NSRP1: variants seen among roughly 807,000 people sequenced by gnomAD.
The protein encoded by NSRP1 is nuclear speckle splicing regulatory protein 1.
Under a neutral mutation model 54.7 loss-of-function variants are expected in NSRP1, and 24 were observed. The ratio of observed to expected loss-of-function variants is 0.44; its 90% CI spans 0.32 to 0.62. The LOEUF is 0.62. Among genes scored for constraint, NSRP1 ranks in the 20% least tolerant of loss-of-function variants. The probability of loss-of-function intolerance (pLI) is 0.06; values close to 1 mark genes in which losing one functional copy is unlikely to be tolerated. For synonymous variants in NSRP1, 210 were observed against 213.8 expected, an observed-to-expected ratio of 0.98 and a Z score of 0.15; for missense variants, 596 against 651.2, an observed-to-expected ratio of 0.92 and a Z score of 0.92.
At chr17:30,117,480 A>G (rs1407799647) in intron 1 of NSRP1, 1 of 423,116 alleles carries the variant, frequency 2.4e-6, no homozygotes. Flanking sequence ...GTGAGAAACT[A>G]AAGGAGTTGG....
chr17:30,184,766 G>T lies in NSRP1; in HGVS notation c.769G>T (p.Asp257Tyr). ...TGACTTCGATGCTAAGAGCAGTGCG[G>T]ATGATGAAATAGAAGAAACTAGAGT... ...DSDFDAKSSADDEIEETRVNC... is the reference protein window; with the variant it reads ...DSDFDAKSSAYDEIEETRVNC... The change falls in exon 7 of 7, where the codon GAT becomes TAT. Residue 257 changes from aspartate to tyrosine, a missense_variant. Asp to Tyr is a radical substitution (Grantham distance 160, BLOSUM62 -3). Transcript: ENST00000247026. The T allele has an allele frequency of 6.2e-7, 1 of 1,614,068 alleles. No individual in the cohort carries two copies. The highest frequency in any genetic ancestry group is 1.3e-5 in the African/African-American group (1 of 75,038).
intron 2 of NSRP1, among the ~76,000 whole-genome samples, chr17:30,135,214 A>G (rs903917444): frequency 5.9e-5 from 9 of 151,502 alleles, no homozygotes; most frequent in African/African-American, 2.2e-4. Flanking sequence ...TGCGTCCAGG[A>G]CTCAAGCGAT....
intron 5 of NSRP1, among the ~76,000 whole-genome samples, chr17:30,179,917 G>GCCCT: frequency 6.8e-6 from 1 of 147,680 alleles, no homozygotes. Flanking sequence ...GCTCACTGCA[G>GCCCT]CCCTGACCTC....
At chr17:30,160,601 T>G (rs1229793719) in intron 2 of NSRP1, among the ~76,000 whole-genome samples, 1 of 152,236 alleles carries the variant, frequency 6.6e-6, no homozygotes, top group African/African-American at 2.4e-5. Flanking sequence ...TGTAGTAGTA[T>G]CTGATGATCT....
intron 2 of NSRP1, among the ~76,000 whole-genome samples, chr17:30,140,298 T>A (rs1185278826): frequency 2.0e-5 from 3 of 152,174 alleles, no homozygotes; most frequent in African/African-American, 7.2e-5. Flanking sequence ...AAATTTTCTC[T>A]TGTAATTTCC....
In NSRP1 at chr17:30,128,834, G is replaced by A. The variant is rs184244342; in HGVS notation, c.114+10661G>A. The stretch of plus-strand genomic sequence containing the variant: ...TTAGTGAAAAAATATATACAAATTT[G>A]TTATAGATAAAAGGAAAAAAGACAA... On this transcript the variant is annotated intron_variant, in intron 2 of 6. Transcript: ENST00000247026. Among the ~76,000 whole-genome samples, 5 of 151,680 alleles carry A rather than the reference G, an allele frequency of 3.3e-5. No homozygotes were observed. The East Asian group carries it at 5.8e-4, about 18-fold the overall frequency.
chr17:30,156,472 T>TAATG (rs1411374741), intron 2 of NSRP1: 1 of 151,794 alleles, frequency 6.6e-6, no homozygotes, highest in East Asian at 2.0e-4. Context: ...TTACTAAAGA[T>TAATG]AATGACCTTC....
intron 2 of NSRP1, among the ~76,000 whole-genome samples, chr17:30,120,612 A>G (rs2071588559): frequency 6.6e-6 from 1 of 152,188 alleles, no homozygotes; most frequent in East Asian, 1.9e-4. Flanking sequence ...TGTGAACATG[A>G]ATATAAAGCA....
At chr17:30,163,874 C>T (rs1021720222) in intron 2 of NSRP1, among the ~76,000 whole-genome samples, 1 of 151,540 alleles carries the variant, frequency 6.6e-6, no homozygotes, top group East Asian at 1.9e-4. Context: ...TTAGTAGAGG[C>T]GAGGTTTTAC....
intron 2 of NSRP1, among the ~76,000 whole-genome samples, chr17:30,124,078 C>T (rs1024508494): frequency 7.2e-5 from 11 of 151,730 alleles, no homozygotes; most frequent in African/African-American, 2.4e-4. Context: ...AGTTCAAGTC[C>T]AGCCTGGGCA....
intron 2 of NSRP1, among the ~76,000 whole-genome samples, chr17:30,172,261 G>A (rs139222788): frequency 6.6e-6 from 1 of 152,144 alleles, no homozygotes; most frequent in East Asian, 1.9e-4. Context: ...AGGCACCATT[G>A]CCAACCAGAA....
Position 30,179,011 on chromosome 17 carries a change from A to G in NSRP1, c.301-79A>G, listed in dbSNP as rs77125491. The G allele has an allele frequency of 6.3e-3, 5,246 of 832,378 alleles. 200 individuals carry two copies. The African/African-American group carries it at 0.084, about 13-fold the overall frequency. The allele number at this position is 832,378 out of a possible 1,614,324, so 51.6% of individuals were successfully genotyped here. On this transcript the variant is annotated intron_variant, in intron 4 of 6. Coordinates refer to ENST00000247026, the MANE Select transcript of NSRP1 (RefSeq NM_032141.4). ...TATTTGGGCCAATCATTTCTATCTT[A>G]ATGAATTCATTATAAAAATTATAAT...
chr17:30,144,019 A>G (rs1038388414), intron 2 of NSRP1: 4 of 151,766 alleles, frequency 2.6e-5, no homozygotes, highest in African/African-American at 9.7e-5. Context: ...TTCTACCACT[A>G]TTTTTGGCTA....
intron 2 of NSRP1, among the ~76,000 whole-genome samples, chr17:30,154,051 CAT>C (rs1261755116): frequency 1.3e-5 from 2 of 151,970 alleles, no homozygotes; most frequent in African/African-American, 4.8e-5. Flanking sequence ...GTGGCTATCA[CAT>C]GTGCTGTAAT....
At chr17:30,155,216 C>T (rs2071950547) in intron 2 of NSRP1, among the ~76,000 whole-genome samples, 1 of 152,008 alleles carries the variant, frequency 6.6e-6, no homozygotes, top group Non-Finnish European at 1.5e-5. Flanking sequence ...TCTTAAATCC[C>T]AAGTTGCTGA....
chr17:30,185,551 G>A lies in NSRP1; in HGVS notation c.1554G>A (p.Glu518=). The A allele has an allele frequency of 1.2e-6, 2 of 1,614,142 alleles. No individual in the cohort carries two copies. The highest frequency in any genetic ancestry group is 2.7e-5 in the African/African-American group (2 of 75,026). ...EKGKEQERPP[E]AVSKFAKRNN... ...GTAAAGAACAAGAGAGACCACCTGA[G>A]GCAGTGAGCAAGTTTGCAAAGCGGA... The change falls in exon 7 of 7, where the codon GAG becomes GAA. Residue 518 remains glutamate, a synonymous_variant. Transcript: ENST00000247026.
chr17:30,176,471 A>G (rs1360765633), intron 3 of NSRP1, among the ~76,000 whole-genome samples: 10 of 152,006 alleles, frequency 6.6e-5, no homozygotes, highest in Non-Finnish European at 1.5e-5. Context: ...TTAGCCAGGC[A>G]TGGTAGCAGG....
intron 1 of NSRP1, 119 bp downstream of exon 1, chr17:30,116,982 C>G: frequency 7.8e-7 from 1 of 1,280,308 alleles, no homozygotes; most frequent in Non-Finnish European, 1.1e-6. Context: ...AGGGTAGAGA[C>G]GGGAAAAAAC....
chr17:30,129,469 C>G (rs980663523), intron 2 of NSRP1, among the ~76,000 whole-genome samples: 11 of 151,530 alleles, frequency 7.3e-5, no homozygotes, highest in Non-Finnish European at 1.3e-4. Flanking sequence ...GAAGCATTAG[C>G]AAGTTACAGG....
Sources: gnomAD v4.1 joint callset for allele counts (sites outside exome capture counted in the v4.1 genomes callset) on GRCh38, gnomAD v4.1.1 for gene constraint, MANE v1.5 for transcripts, NCBI Gene and HGNC (gene_info 2026-07-23, HGNC 2026-07-21) for gene names.